AP1M1: variants seen among roughly 807,000 people sequenced by gnomAD.
AP1M1 encodes the protein AP-1 complex subunit mu-1.
In AP1M1, 18 loss-of-function variants were observed where a neutral mutation model predicts 57.1. The observed-to-expected ratio is 0.32, with a 90% CI of 0.22 to 0.47. AP1M1 has a LOEUF of 0.47. Ranked by LOEUF, AP1M1 falls within the 20% of genes least tolerant of loss-of-function variation. The pLI, the probability that AP1M1 is intolerant of heterozygous loss-of-function variation, is 1.00. For synonymous variants in AP1M1, 241 were observed against 237.9 expected (o/e 1.01, Z -0.12); for missense variants, 362 against 593.5 (o/e 0.61, Z 4.05).
chr19:16,240,674 T>G lies in AP1M1; in HGVS notation c.*6239T>G, dbSNP rs1258162722. On this transcript the variant is annotated 3_prime_UTR_variant, in exon 12 of 12. Transcript: ENST00000291439. ...TATGTTGGTCAAGATGGTCTCGAAC[T>G]CCTGACCTCAGGTGATCTGCCTGCT... is the stretch of plus-strand genomic sequence containing the variant. 1 of 152,120 alleles carries G rather than the reference T, an allele frequency of 6.6e-6. No homozygotes were observed. 9.4% of individuals were successfully genotyped at this position (152,120 alleles called of 1,614,324 possible).
intron 5 of AP1M1, among the ~76,000 whole-genome samples, chr19:16,224,884 C>T (rs2091564420): frequency 1.3e-5 from 2 of 152,144 alleles, no homozygotes; most frequent in African/African-American, 4.8e-5. Context: ...CTCCGCTTGC[C>T]CACTGAGCAC....
At chr19:16,205,069 G>A (rs926913904) in intron 2 of AP1M1, among the ~76,000 whole-genome samples, 3 of 152,022 alleles carry the variant, frequency 2.0e-5, no homozygotes, top group East Asian at 1.9e-4. Context: ...TCCTGACCTC[G>A]TGATCCGCCC....
At position 16,197,983 on chromosome 19, in the gene AP1M1, G is replaced by GCCGCCACCGCCCTCGGCCGCTGCCA; in HGVS notation, c.-20_-19insACCGCCACCGCCCTCGGCCGCTGCC. The GCCGCCACCGCCCTCGGCCGCTGCCA allele has an allele frequency of 2.6e-6, 4 of 1,533,580 alleles. No homozygotes were observed. The highest frequency in any genetic ancestry group is 1.4e-5 in the African/African-American group (1 of 70,446). The allele number at this position is 1,533,580 out of a possible 1,614,324, so 95.0% of individuals were successfully genotyped here. A position where few individuals can be genotyped will look rare whatever the true frequency, so the allele number is the denominator to read the frequency against. On this transcript the variant is annotated 5_prime_UTR_variant, in exon 1 of 12. Coordinates refer to ENST00000291439, the MANE Select transcript of AP1M1 (RefSeq NM_032493.4). ...CCCAGCAGTCCCCACCGTCGCTGCC[G>GCCGCCACCGCCCTCGGCCGCTGCCA]CCGCCACCGCCCTCGGCCGCTGCCG...
In AP1M1 at chr19:16,227,997, C is replaced by T. The variant is rs1295623110; in HGVS notation, c.817-140C>T. On this transcript the variant is annotated intron_variant, in intron 7 of 11. Transcript: ENST00000291439. The surrounding 1 kb of genome is among the most constrained non-coding windows in gnomAD (Gnocchi z 6.2). ...GCCTGTCTGCCCTGGCCCTCCCTGA[C>T]GCTGGCTGTACGCTCCCTGCAGGGC... 1.1e-5 allele frequency: 10 copies of T among 927,062 alleles called. No homozygotes were observed. The highest frequency in any genetic ancestry group is 4.5e-5 in the South Asian group (3 of 66,642). 57.4% of individuals were successfully genotyped at this position (927,062 alleles called of 1,614,324 possible). A position where few individuals can be genotyped will look rare whatever the true frequency, so the allele number is the denominator to read the frequency against.
rs751103870 is a variant in AP1M1, at chr19:16,241,396, A to G, written c.*6961A>G. ...CTTGTGTACATAAGGAAAGGAAGAA[A>G]GATGTGAGAAGGAATGCCGGAAAAC... is the stretch of plus-strand genomic sequence containing the variant. On this transcript the variant is annotated 3_prime_UTR_variant, in exon 12 of 12. Transcript: ENST00000291439. The G allele has an allele frequency of 3.9e-5, 6 of 152,176 alleles. No homozygotes were observed. Among genetic ancestry groups the G allele is most frequent in the Non-Finnish European group, 8.8e-5 (6 of 68,032 alleles). 9.4% of individuals were successfully genotyped at this position (152,176 alleles called of 1,614,324 possible).
intron 1 of AP1M1, among the ~76,000 whole-genome samples, chr19:16,199,628 C>T (rs1391778536): frequency 3.3e-5 from 5 of 152,180 alleles, no homozygotes; most frequent in Non-Finnish European, 5.9e-5. Flanking sequence ...CCTGAAGTCC[C>T]TTGAGTGGGT....
In AP1M1 at chr19:16,236,257, G is replaced by C. The variant is rs921216952; in HGVS notation, c.*1822G>C. On this transcript the variant is annotated 3_prime_UTR_variant, in exon 12 of 12. Coordinates refer to ENST00000291439, the MANE Select transcript of AP1M1 (RefSeq NM_032493.4). ...TGGGACACCGCAGGGACAGGAGAGG[G>C]CTGGTCCACAGGACAGAAGAGAGAC... is the stretch of plus-strand genomic sequence containing the variant. 1 of 152,394 alleles carries C rather than the reference G, an allele frequency of 6.6e-6. No individual in the cohort carries two copies. The highest frequency in any genetic ancestry group is 2.1e-4 in the South Asian group (1 of 4,838). The allele number at this position is 152,394 out of a possible 1,614,324, so 9.4% of individuals were successfully genotyped here. A position where few individuals can be genotyped will look rare whatever the true frequency, so the allele number is the denominator to read the frequency against.
rs1383968397 is a variant in AP1M1, at chr19:16,236,800, AAG to A, written c.*2367_*2368del. The stretch of plus-strand genomic sequence containing the variant: ...GACCTAACTTCATGCCTTGTTACCT[AAG>A]ATCCTCGCACACAATAGACCCTCAA... On this transcript the variant is annotated 3_prime_UTR_variant, in exon 12 of 12. Coordinates refer to ENST00000291439, the MANE Select transcript of AP1M1 (RefSeq NM_032493.4). The A allele has an allele frequency of 6.6e-6, 1 of 152,212 alleles. No individual in the cohort carries two copies. Among genetic ancestry groups the A allele is most frequent in the Non-Finnish European group, 1.5e-5 (1 of 68,046 alleles). The allele number at this position is 152,212 out of a possible 1,614,324, so 9.4% of individuals were successfully genotyped here.
Position 16,236,573 on chromosome 19 carries a change from G to A in AP1M1, c.*2138G>A, listed in dbSNP as rs1056731805. On this transcript the variant is annotated 3_prime_UTR_variant, in exon 12 of 12. Transcript: ENST00000291439. ...ACTCCTGCGTGAAGCTGGGATCCTC[G>A]AGGGTCATGATACTTAACAGTAAAA... The A allele has an allele frequency of 5.3e-5, 8 of 152,200 alleles. No individual in the cohort carries two copies. The highest frequency in any genetic ancestry group is 2.6e-4 in the Admixed American group (4 of 15,258). The allele number at this position is 152,200 out of a possible 1,614,324, so 9.4% of individuals were successfully genotyped here. A position where few individuals can be genotyped will look rare whatever the true frequency, so the allele number is the denominator to read the frequency against.
chr19:16,199,745 A>T (rs551254134), intron 1 of AP1M1, among the ~76,000 whole-genome samples: 1 of 152,272 alleles, frequency 6.6e-6, no homozygotes, highest in East Asian at 1.9e-4. Flanking sequence ...AGAGCACGCC[A>T]GGGGCTGGGT....
intron 5 of AP1M1, among the ~76,000 whole-genome samples, chr19:16,221,314 T>C (rs932589007): frequency 6.6e-6 from 1 of 152,240 alleles, no homozygotes; most frequent in Non-Finnish European, 1.5e-5. Context: ...ACAAAAAGTT[T>C]TCTCAGCAAG....
Position 16,199,365 on chromosome 19 carries a change from C to T in AP1M1, c.42+1297C>T, listed in dbSNP as rs973739930. Among the ~76,000 whole-genome samples, 2 of 152,194 alleles carry T rather than the reference C, an allele frequency of 1.3e-5. 1 individual carries two copies. Among genetic ancestry groups the T allele is most frequent in the South Asian group, 4.1e-4 (2 of 4,832 alleles). On this transcript the variant is annotated intron_variant, in intron 1 of 11. Transcript: ENST00000291439. ...TGAGAAAACTTTAAGAAGGGATTGT[C>T]CCCACCTTTTAGAAATGGTCCTCTG...
intron 4 of AP1M1, 119 bp downstream of exon 4, chr19:16,208,268 A>C: frequency 8.7e-7 from 1 of 1,155,346 alleles, no homozygotes. Context: ...CCTGCCTCCC[A>C]CCTCCAGCAG....
At chr19:16,216,771 A>G (rs926264493) in intron 5 of AP1M1, among the ~76,000 whole-genome samples, 1 of 152,130 alleles carries the variant, frequency 6.6e-6, no homozygotes, top group Non-Finnish European at 1.5e-5. Flanking sequence ...CCTGGCTTTG[A>G]TCTCTGGCTC....
Position 16,240,532 on chromosome 19 carries a change from C to T in AP1M1, c.*6097C>T, listed in dbSNP as rs2091642154. Reference sequence around the variant, plus strand: ...TGGCGAAATCTCGGCTCATTACAACCTCTGCCTCCCAGGTTCAAGCAATTC... The same window carrying T: ...TGGCGAAATCTCGGCTCATTACAACTTCTGCCTCCCAGGTTCAAGCAATTC... On this transcript the variant is annotated 3_prime_UTR_variant, in exon 12 of 12. Transcript: ENST00000291439. The T allele has an allele frequency of 6.6e-6, 1 of 151,476 alleles. No homozygotes were observed. The highest frequency in any genetic ancestry group is 2.5e-5 in the African/African-American group (1 of 40,782). The allele number at this position is 151,476 out of a possible 1,614,324, so 9.4% of individuals were successfully genotyped here.
chr19:16,233,017 A>G (rs1287577956), intron 9 of AP1M1, among the ~76,000 whole-genome samples: 1 of 152,134 alleles, frequency 6.6e-6, no homozygotes, highest in African/African-American at 2.4e-5. Context: ...CTCCCTGGTC[A>G]TGGTTCTCAC....
intron 5 of AP1M1, among the ~76,000 whole-genome samples, chr19:16,210,779 C>T (rs1049373929): frequency 1.1e-4 from 16 of 152,018 alleles, no homozygotes; most frequent in African/African-American, 3.4e-4. Flanking sequence ...AGGCTGGTCT[C>T]GAACTCCTGA....
chr19:16,212,981 C>A (rs2091501832), intron 5 of AP1M1, among the ~76,000 whole-genome samples: 1 of 152,058 alleles, frequency 6.6e-6, no homozygotes, highest in African/African-American at 2.4e-5. Flanking sequence ...GCTTTTGGTT[C>A]TTTTGCATCT....
Position 16,234,603 on chromosome 19 carries a change from C to A in AP1M1, c.*168C>A. ...CAGGCCATCTGCTCTGCCGTCGACA[C>A]TCGTCTCAGAAGCCCCTTTCCCAGA... is the stretch of plus-strand genomic sequence containing the variant. On this transcript the variant is annotated 3_prime_UTR_variant, in exon 12 of 12. Coordinates refer to ENST00000291439, the MANE Select transcript of AP1M1 (RefSeq NM_032493.4). 2.6e-6 allele frequency: 2 copies of A among 760,482 alleles called. No homozygotes were observed. Among genetic ancestry groups the A allele is most frequent in the South Asian group, 1.7e-5 (1 of 58,850 alleles). 47.1% of individuals were successfully genotyped at this position (760,482 alleles called of 1,614,324 possible).
Sources: gnomAD v4.1 joint callset for allele counts (sites outside exome capture counted in the v4.1 genomes callset) on GRCh38, gnomAD v4.1.1 for gene constraint, Gnocchi (gnomAD v3.1) non-coding constraint, MANE v1.5 for transcripts, NCBI Gene and HGNC (gene_info 2026-07-23, HGNC 2026-07-21) for gene names.